TPST1: variants seen among roughly 807,000 people sequenced by gnomAD.
TPST1 encodes tyrosylprotein sulfotransferase 1.
Under a neutral mutation model 34.8 loss-of-function variants are expected in TPST1, and 20 were observed. That is an observed-to-expected ratio of 0.57 (90% CI 0.40 to 0.84). TPST1 has a LOEUF of 0.84. TPST1 is among the 40% of genes least tolerant of loss of function. The pLI, the probability that TPST1 is intolerant of heterozygous loss-of-function variation, is 0.00. For synonymous variants in TPST1, 152 were observed against 159.4 expected (o/e 0.95, Z 0.35); for missense variants, 353 against 455.5 (o/e 0.78, Z 2.05).
rs149077998 is a variant in TPST1 at position 66,347,391 on chromosome 7, A to G, written c.1045-5114A>G. Reference sequence around the variant, plus strand: ...CAAGTATCTAGTTTCATTCTACTACATATGGATATCCAGTTTTCCCAGCAC... The same window carrying G: ...CAAGTATCTAGTTTCATTCTACTACGTATGGATATCCAGTTTTCCCAGCAC... On this transcript the variant is annotated intron_variant, in intron 3 of 5. Coordinates refer to ENST00000304842, the MANE Select transcript of TPST1 (RefSeq NM_003596.4). Among the ~76,000 whole-genome samples the G allele has an allele frequency of 5.3e-5, 8 of 152,174 alleles. No individual in the cohort carries two copies. The East Asian group carries it at 7.7e-4, about 15-fold the overall frequency.
rs753718636 is a variant in TPST1 at position 66,240,775 on chromosome 7, C to T, written c.350C>T (p.Ser117Leu). Residue 117 changes from serine (S) to leucine (L), a missense_variant, in exon 2 of 6, where the codon TCA becomes TTA. Coordinates refer to ENST00000304842, the MANE Select transcript of TPST1 (RefSeq NM_003596.4). ...ILALKQMWSR[S>L]SKEKIRLDEA... ...GCCCTGAAGCAGATGTGGTCACGGT[C>T]AAGTAAAGAGAAGATCCGCCTGGAT... is the stretch of plus-strand genomic sequence containing the variant. The T allele has an allele frequency of 2.5e-6, 4 of 1,614,178 alleles. No homozygotes were observed. The Admixed American group carries it at 5.0e-5, about 20-fold the overall frequency.
At chr7:66,355,317 C>CAA (rs11429562) in intron 4 of TPST1, among the ~76,000 whole-genome samples, 29 of 144,850 alleles carry the variant, frequency 2.0e-4, no homozygotes, top group South Asian at 8.7e-4. Context: ...ACTAAAAATA[C>CAA]AAAAAAAAAA....
At chr7:66,270,512 G>T (rs1790684225) in intron 2 of TPST1, among the ~76,000 whole-genome samples, 1 of 152,064 alleles carries the variant, frequency 6.6e-6, no homozygotes, top group African/African-American at 2.4e-5. Context: ...ACCCAAATGT[G>T]CATTTAGACA....
chr7:66,355,317 C>CA (rs11429562), intron 4 of TPST1, among the ~76,000 whole-genome samples: 49,560 of 144,724 alleles, frequency 0.34, 8,478 homozygotes, highest in Middle Eastern at 0.51. Context: ...ACTAAAAATA[C>CA]AAAAAAAAAA....
chr7:66,328,550 T>G (rs1295255509), intron 3 of TPST1, among the ~76,000 whole-genome samples: 2 of 151,816 alleles, frequency 1.3e-5, no homozygotes, highest in Admixed American at 6.6e-5. Context: ...ATAGTTTTTT[T>G]TTGTTGTTTT....
chr7:66,283,485 G>A (rs553823131), intron 2 of TPST1, among the ~76,000 whole-genome samples: 12 of 152,254 alleles, frequency 7.9e-5, no homozygotes, highest in East Asian at 5.8e-4. Context: ...CAACTCTGCC[G>A]TTGTACTACA....
At chr7:66,278,520 C>T (rs927675658) in intron 2 of TPST1, among the ~76,000 whole-genome samples, 13 of 152,084 alleles carry the variant, frequency 8.5e-5, no homozygotes, top group African/African-American at 3.1e-4. Flanking sequence ...CGCAGTGGCT[C>T]ACGCCTGTAA....
intron 1 of TPST1, among the ~76,000 whole-genome samples, chr7:66,215,438 G>A (rs1432929458): frequency 2.0e-5 from 3 of 151,358 alleles, no homozygotes; most frequent in Non-Finnish European, 4.4e-5. Flanking sequence ...GAAGTGGCGC[G>A]ATCTCGGCTC....
At chr7:66,351,175 T>A (rs531644986) in intron 3 of TPST1, among the ~76,000 whole-genome samples, 1 of 152,316 alleles carries the variant, frequency 6.6e-6, no homozygotes, top group East Asian at 1.9e-4. Context: ...TAGCTTTAAA[T>A]TTTTTAAATG....
At position 66,265,497 on chromosome 7, in the gene TPST1, C is replaced by T. The variant is rs143804137; in HGVS notation, c.846-21014C>T. 2.2e-3 allele frequency among the ~76,000 whole-genome samples: 329 copies of T among 150,852 alleles called. 2 individuals are homozygous for T. The highest frequency in any genetic ancestry group is 7.6e-3 in the African/African-American group (312 of 41,008). The stretch of plus-strand genomic sequence containing the variant: ...CCCAGGAGGCCATGGCTGCAGTGAG[C>T]TGTGATTGCACTACTGCACTGCAGA... On this transcript the variant is annotated intron_variant, in intron 2 of 5. Coordinates refer to ENST00000304842, the MANE Select transcript of TPST1 (RefSeq NM_003596.4).
At chr7:66,263,775 G>T (rs912277910) in intron 2 of TPST1, among the ~76,000 whole-genome samples, 1 of 152,128 alleles carries the variant, frequency 6.6e-6, no homozygotes, top group African/African-American at 2.4e-5. Context: ...CTATTTGGGG[G>T]TGACATCAGC....
intron 3 of TPST1, among the ~76,000 whole-genome samples, chr7:66,323,970 T>A (rs1394793522): frequency 6.6e-6 from 1 of 152,134 alleles, no homozygotes; most frequent in Non-Finnish European, 1.5e-5. Flanking sequence ...TTCACAACAG[T>A]CAGAAGGTGG....
intron 3 of TPST1, among the ~76,000 whole-genome samples, chr7:66,328,533 A>C (rs1403964728): frequency 1.3e-5 from 2 of 151,662 alleles, no homozygotes; most frequent in Non-Finnish European, 2.9e-5. Flanking sequence ...GCCCATTCAC[A>C]AATGAAATAG....
chr7:66,317,812 C>G (rs1791665896), intron 3 of TPST1, among the ~76,000 whole-genome samples: 1 of 152,060 alleles, frequency 6.6e-6, no homozygotes, highest in East Asian at 1.9e-4. Flanking sequence ...ATTCCATGTT[C>G]TCTTACTATT....
At chr7:66,331,625 TTG>T (rs1233303908) in intron 3 of TPST1, among the ~76,000 whole-genome samples, 1 of 152,210 alleles carries the variant, frequency 6.6e-6, no homozygotes, top group Non-Finnish European at 1.5e-5. Context: ...AAATTAGCAA[TTG>T]TGTGTTATAA....
At chr7:66,322,376 A>C (rs1379200965) in intron 3 of TPST1, among the ~76,000 whole-genome samples, 1 of 152,216 alleles carries the variant, frequency 6.6e-6, no homozygotes, top group Non-Finnish European at 1.5e-5. Context: ...CTTTATACTC[A>C]TTAAACAATA....
At chr7:66,231,624 C>T (rs1020037653) in intron 1 of TPST1, among the ~76,000 whole-genome samples, 1 of 152,262 alleles carries the variant, frequency 6.6e-6, no homozygotes, top group African/African-American at 2.4e-5. Context: ...GGCCAGCCAG[C>T]TGCTCCGAGT....
At chr7:66,300,565 A>C (rs550864876) in intron 3 of TPST1, among the ~76,000 whole-genome samples, 9 of 152,212 alleles carry the variant, frequency 5.9e-5, no homozygotes, top group Non-Finnish European at 8.8e-5. Context: ...CCCTTTCCAG[A>C]AGGTTTGCAG....
intron 2 of TPST1, among the ~76,000 whole-genome samples, chr7:66,283,016 C>T (rs1351930720): frequency 6.6e-6 from 1 of 152,258 alleles, no homozygotes; most frequent in East Asian, 1.9e-4. Context: ...TGCCTGTAGT[C>T]CCAGCACTTT....
Sources: gnomAD v4.1 joint callset for allele counts (sites outside exome capture counted in the v4.1 genomes callset) on GRCh38, gnomAD v4.1.1 for gene constraint, MANE v1.5 for transcripts, NCBI Gene and HGNC (gene_info 2026-07-23, HGNC 2026-07-21) for gene names.